C3orf70: variants seen among roughly 807,000 people sequenced by gnomAD.
C3orf70 encodes chromosome 3 open reading frame 70.
C3orf70 carries 15 observed loss-of-function variants against 20.7 expected under a neutral mutation model. The observed-to-expected ratio is 0.72, with a 90% CI of 0.48 to 1.11. The LOEUF (loss-of-function observed/expected upper bound fraction) is 1.11, where lower values mean the gene tolerates loss of function less well. Among genes scored for constraint, C3orf70 ranks in the 50% most tolerant of loss-of-function variants. The probability of loss-of-function intolerance (pLI) is 0.00; values close to 1 mark genes in which losing one functional copy is unlikely to be tolerated. For missense variants in C3orf70, 332 were observed against 317.6 expected (o/e 1.05, Z -0.34); for synonymous variants, 161 against 125.7 (o/e 1.28, Z -1.88).
intron 1 of C3orf70, among the ~76,000 whole-genome samples, chr3:185,088,464 G>A (rs1715501921): frequency 6.6e-6 from 1 of 152,060 alleles, no homozygotes; most frequent in African/African-American, 2.4e-5. Context: ...ATTGCCATTG[G>A]GGGGAACTAG....
intron 1 of C3orf70, among the ~76,000 whole-genome samples, chr3:185,100,818 G>C (rs189319311): frequency 6.6e-6 from 1 of 151,472 alleles, no homozygotes; most frequent in South Asian, 2.1e-4. Flanking sequence ...GAAGAGAGTA[G>C]ATCCAAATAA....
At chr3:185,117,072 C>T (rs1392598344) in intron 1 of C3orf70, among the ~76,000 whole-genome samples, 4 of 152,132 alleles carry the variant, frequency 2.6e-5, no homozygotes, top group East Asian at 1.9e-4. Flanking sequence ...TGAGCCACCG[C>T]GCCCGGCCTG....
chr3:185,105,154 A>AT (rs1466638142), intron 1 of C3orf70, among the ~76,000 whole-genome samples: 1 of 152,258 alleles, frequency 6.6e-6, no homozygotes, highest in Non-Finnish European at 1.5e-5. Flanking sequence ...ACTGTATTCT[A>AT]TATGTTCAAT....
chr3:185,095,148 T>C (rs1194275482), intron 1 of C3orf70, among the ~76,000 whole-genome samples: 1 of 152,248 alleles, frequency 6.6e-6, no homozygotes, highest in Non-Finnish European at 1.5e-5. Flanking sequence ...GATATTTTAA[T>C]AACAAGGCTT....
chr3:185,095,872 G>A (rs1561334237), intron 1 of C3orf70, among the ~76,000 whole-genome samples: 1 of 151,640 alleles, frequency 6.6e-6, no homozygotes, highest in African/African-American at 2.4e-5. Flanking sequence ...GAATAGCTGC[G>A]ACTATAGGTG....
chr3:185,121,358 T>TA (rs59087246), intron 1 of C3orf70, among the ~76,000 whole-genome samples: 2,573 of 119,674 alleles, frequency 0.022, 25 homozygotes, highest in Middle Eastern at 0.044. Flanking sequence ...CTATGGAAAT[T>TA]AAAAAAAAAA....
In C3orf70 at chr3:185,082,330, A is replaced by C. The variant is rs1354279029; in HGVS notation, c.*677T>G. ...CCTGCAGGGGACAGGTGCTCAGCTA[A>C]GGCTGGATTGAGCATGAGACAGATG... On this transcript the variant is annotated 3_prime_UTR_variant, in exon 2 of 2. Coordinates refer to ENST00000335012, the MANE Select transcript of C3orf70 (RefSeq NM_001025266.3). The C allele has an allele frequency of 6.6e-6, 1 of 152,396 alleles. No individual in the cohort carries two copies. The highest frequency in any genetic ancestry group is 1.5e-5 in the Non-Finnish European group (1 of 68,196). 9.4% of individuals were successfully genotyped at this position (152,396 alleles called of 1,614,324 possible).
chr3:185,125,429 C>A (rs1026395411), intron 1 of C3orf70, among the ~76,000 whole-genome samples: 2 of 136,160 alleles, frequency 1.5e-5, no homozygotes, highest in Non-Finnish European at 3.2e-5. Context: ...ACAACAACAA[C>A]AAAAACCAGT....
chr3:185,127,807 T>C (rs567975595), intron 1 of C3orf70, among the ~76,000 whole-genome samples: 66 of 152,200 alleles, frequency 4.3e-4, no homozygotes, highest in African/African-American at 1.6e-3. Flanking sequence ...ATAATCAACA[T>C]GTGAACAATC....
Position 185,136,569 on chromosome 3 carries a change from A to AG in C3orf70, c.196+16058_196+16059insC, listed in dbSNP as rs397826306. Among the ~76,000 whole-genome samples, 334 of 151,606 alleles carry AG rather than the reference A, an allele frequency of 2.2e-3. 2 individuals carry two copies. The highest frequency in any genetic ancestry group is 7.8e-3 in the African/African-American group (320 of 41,282). On this transcript the variant is annotated intron_variant, in intron 1 of 1. Transcript: ENST00000335012. ...AACCCTCTCTACTAAAAATAAAAAA[A>AG]TTAGCTGGGCCCACAGTGGTGGCGG... is the stretch of plus-strand genomic sequence containing the variant.
chr3:185,079,609 A>C lies in C3orf70; in HGVS notation c.*3398T>G, dbSNP rs1195043211. 1 of 152,254 alleles carries C rather than the reference A, an allele frequency of 6.6e-6. No individual in the cohort carries two copies. The highest frequency in any genetic ancestry group is 1.5e-5 in the Non-Finnish European group (1 of 68,040). The allele number at this position is 152,254 out of a possible 1,614,324, so 9.4% of individuals were successfully genotyped here. A position where few individuals can be genotyped will look rare whatever the true frequency, so the allele number is the denominator to read the frequency against. On this transcript the variant is annotated 3_prime_UTR_variant, in exon 2 of 2. Transcript: ENST00000335012. ...ATCATCATTTCTTGGAAAAGTTATA[A>C]GCATATTTGAAACTTGAAACTTCTA...
rs569240858 is a variant in C3orf70, at chr3:185,136,880, AG to A, written c.196+15747del. 3.6e-4 allele frequency among the ~76,000 whole-genome samples: 55 copies of A among 151,702 alleles called. 1 individual carries two copies. Among genetic ancestry groups the A allele is most frequent in the African/African-American group, 1.3e-3 (54 of 41,208 alleles). ...AGCCGAGATTGCGCCACTGCACTCC[AG>A]CCTGGGTGACAGAGCAAGACTGTCT... On this transcript the variant is annotated intron_variant, in intron 1 of 1. Coordinates refer to ENST00000335012, the MANE Select transcript of C3orf70 (RefSeq NM_001025266.3).
At chr3:185,093,554 C>A (rs904391684) in intron 1 of C3orf70, among the ~76,000 whole-genome samples, 9 of 152,042 alleles carry the variant, frequency 5.9e-5, no homozygotes, top group African/African-American at 2.2e-4. Flanking sequence ...AATGCATCCC[C>A]CTTACAATCC....
In C3orf70 at chr3:185,091,912, CATATATATATATATATATATATATAT is replaced by C. The variant is rs869291177; in HGVS notation, c.197-8375_197-8350del. Among the ~76,000 whole-genome samples the C allele has an allele frequency of 1.4e-3, 50 of 35,896 alleles. 3 individuals are homozygous for C. The highest frequency in any genetic ancestry group is 1.0e-3 in the Admixed American group (2 of 1,992). The allele number at this position is 35,896 out of a possible 152,430, so 23.5% of individuals were successfully genotyped here. A position where few individuals can be genotyped will look rare whatever the true frequency, so the allele number is the denominator to read the frequency against. ...ATACACACATACACACACACACATACATATATATATATATATATATATATATATATATATATATATATATATATATA... is the reference window on the plus strand; with the variant it reads ...ATACACACATACACACACACACATACATATATATATATATATATATATATA... On this transcript the variant is annotated intron_variant, in intron 1 of 1. Coordinates refer to ENST00000335012, the MANE Select transcript of C3orf70 (RefSeq NM_001025266.3).
At chr3:185,138,365 G>A (rs755623949) in intron 1 of C3orf70, among the ~76,000 whole-genome samples, 5 of 151,096 alleles carry the variant, frequency 3.3e-5, no homozygotes, top group Admixed American at 1.3e-4. Context: ...CATTTTCATC[G>A]AGAAAATAGA....
intron 1 of C3orf70, among the ~76,000 whole-genome samples, chr3:185,098,689 T>G (rs1457512566): frequency 6.6e-6 from 1 of 152,214 alleles, no homozygotes; most frequent in Non-Finnish European, 1.5e-5. Flanking sequence ...CATTTTACTG[T>G]GTGGTAGATG....
At chr3:185,100,813 G>C (rs1715806394) in intron 1 of C3orf70, among the ~76,000 whole-genome samples, 1 of 151,182 alleles carries the variant, frequency 6.6e-6, no homozygotes, top group African/African-American at 2.4e-5. Flanking sequence ...ATAAAGAAGA[G>C]AGTAGATCCA....
In C3orf70 at chr3:185,150,989, G is replaced by T. The variant is rs116757779; in HGVS notation, c.196+1639C>A. ...AGAATGGCCAGGGATACAGAGAGAA[G>T]ACAGTCCATATGTGCAAGACATTCA... On this transcript the variant is annotated intron_variant, in intron 1 of 1. Transcript: ENST00000335012. Among the ~76,000 whole-genome samples the T allele has an allele frequency of 7.2e-3, 1,091 of 152,296 alleles. 20 individuals are homozygous for T. The highest frequency in any genetic ancestry group is 0.025 in the African/African-American group (1,045 of 41,570).
Position 185,082,987 on chromosome 3 carries a change from G to A in C3orf70, c.*20C>T. 2 of 1,604,556 alleles carry A rather than the reference G, an allele frequency of 1.2e-6. No homozygotes were observed. The highest frequency in any genetic ancestry group is 2.2e-5 in the South Asian group (2 of 89,890). On this transcript the variant is annotated 3_prime_UTR_variant, in exon 2 of 2. Coordinates refer to ENST00000335012, the MANE Select transcript of C3orf70 (RefSeq NM_001025266.3). Reference sequence around the variant, plus strand: ...AAAAGCTCGGCGTGGGTCCGAGGCTGTGGCTTCCTGTCTGGACTCTCACAC... The same window carrying A: ...AAAAGCTCGGCGTGGGTCCGAGGCTATGGCTTCCTGTCTGGACTCTCACAC...
Sources: allele counts gnomAD v4.1 joint callset (sites outside exome capture counted in the v4.1 genomes callset), GRCh38; gene constraint gnomAD v4.1.1; transcripts MANE v1.5; gene names NCBI Gene and HGNC (gene_info 2026-07-23, HGNC 2026-07-21).